Variants in FCRL3 observed in about 807,000 individuals in gnomAD.
The protein encoded by FCRL3 is Fc receptor-like protein 3.
Under a neutral mutation model 75.0 loss-of-function variants are expected in FCRL3, and 89 were observed. That is an observed-to-expected ratio of 1.19 (90% CI 1.00 to 1.42). The LOEUF is 1.42. Ranked by LOEUF, FCRL3 falls within the 40% of genes most tolerant of loss-of-function variation. FCRL3 has a pLI of 0.00. For missense variants in FCRL3, 946 were observed against 880.0 expected (o/e 1.07, Z -0.95); for synonymous variants, 376 against 348.5 (o/e 1.08, Z -0.88).
chr1:157,676,758 G>C lies in FCRL3; in HGVS notation c.*1952C>G. 6.5e-7 allele frequency: 1 copy of C among 1,550,270 alleles called. No homozygotes were observed. Among genetic ancestry groups the C allele is most frequent in the East Asian group, 2.4e-5 (1 of 40,906 alleles). On this transcript the variant is annotated 3_prime_UTR_variant, in exon 15 of 15. Transcript: ENST00000368184. ...AAAATCTTGAACTTTGTTCTTTCTT[G>C]GGTTCAGAATCTAGAAAATGGATAA...
intron 8 of FCRL3, among the ~76,000 whole-genome samples, chr1:157,694,196 G>A (rs1478169566): frequency 6.6e-6 from 1 of 152,030 alleles, no homozygotes; most frequent in East Asian, 1.9e-4. Context: ...ATGGAGAGTG[G>A]TGCGAGATCC....
rs1446235754 is a variant in FCRL3 at position 157,696,375 on chromosome 1, C to T, written c.845-48G>A. 32 of 1,601,274 alleles carry T rather than the reference C, an allele frequency of 2.0e-5. 1 individual carries two copies. The highest frequency in any genetic ancestry group is 8.5e-6 in the Non-Finnish European group (10 of 1,172,564). ...GTGAAGGTCCTGATGGCAGGGACAT[C>T]AAGGTCAAGGGGAAGGCTGGAGCTA... On this transcript the variant is annotated intron_variant, in intron 6 of 14. Transcript: ENST00000368184.
intron 8 of FCRL3, 82 bp from the exon 9 acceptor site, chr1:157,690,615 T>A (rs1262118044): frequency 4.6e-6 from 7 of 1,521,178 alleles, no homozygotes; most frequent in Non-Finnish European, 6.2e-6. Flanking sequence ...TGCAGCATAG[T>A]TGAGTTGCGG....
In FCRL3 at chr1:157,683,312, A is replaced by AT. The variant is rs1038708517; in HGVS notation, c.1811-69dup. The AT allele has an allele frequency of 4.5e-6, 7 of 1,567,062 alleles. No homozygotes were observed. The African/African-American group carries it at 5.5e-5, about 12-fold the overall frequency. On this transcript the variant is annotated intron_variant, in intron 10 of 14. Transcript: ENST00000368184. ...TAAATAATGAACTCTCTGTTAGAACATTTTTTCCTAGAAATCAGATTCATT... is the reference window on the plus strand; with the variant it reads ...TAAATAATGAACTCTCTGTTAGAACATTTTTTTCCTAGAAATCAGATTCATT...
chr1:157,676,856 C>A lies in FCRL3; in HGVS notation c.*1854G>T. ...CACAAAGGGGCTTGGCAAGGTAATT[C>A]CAAATCAGCAGCAGGGTTAGAAAGG... is the stretch of plus-strand genomic sequence containing the variant. On this transcript the variant is annotated 3_prime_UTR_variant, in exon 15 of 15. Transcript: ENST00000368184. 3 of 1,536,008 alleles carry A rather than the reference C, an allele frequency of 2.0e-6. No homozygotes were observed. The highest frequency in any genetic ancestry group is 2.6e-6 in the Non-Finnish European group (3 of 1,140,830).
At chr1:157,680,832 C>T (rs2101587187) in intron 12 of FCRL3, 62 bp from the exon 13 acceptor site, 1 of 1,528,192 alleles carries the variant, frequency 6.5e-7, no homozygotes, top group Non-Finnish European at 9.0e-7. Flanking sequence ...CTCTACTTCC[C>T]AATCACCAAA....
At position 157,696,047 on chromosome 1, in the gene FCRL3, G is replaced by A. The variant is rs778553895; in HGVS notation, c.1125C>T (p.Thr375=). 93 of 1,607,870 alleles carry A rather than the reference G, an allele frequency of 5.8e-5. No homozygotes were observed. Among genetic ancestry groups the A allele is most frequent in the East Asian group, 1.8e-4 (8 of 44,698 alleles). Residue 375 remains threonine, a synonymous_variant, in exon 7 of 15, where the codon ACC becomes ACT. Coordinates refer to ENST00000368184, the MANE Select transcript of FCRL3 (RefSeq NM_052939.4). ...SPILSTWIRV[T]VRIPVSHPVL... is the part of the protein sequence containing the mutation. ...AAAGGAATCGGAACTTACTTCTCAC[G>A]GTGACTCGAATCCACGTGCTGAGGA...
intron 10 of FCRL3, among the ~76,000 whole-genome samples, chr1:157,684,456 G>A (rs1436776372): frequency 6.6e-6 from 1 of 152,118 alleles, no homozygotes; most frequent in African/African-American, 2.4e-5. Flanking sequence ...TCTCCTCAGA[G>A]CAATCACAAT....
At chr1:157,693,967 C>T (rs935595830) in intron 8 of FCRL3, among the ~76,000 whole-genome samples, 1 of 152,080 alleles carries the variant, frequency 6.6e-6, no homozygotes, top group Non-Finnish European at 1.5e-5. Flanking sequence ...CCACGCTGGT[C>T]TCAAACTCCT....
In FCRL3 at chr1:157,695,362, G is replaced by T. The variant is rs1422006192; in HGVS notation, c.1378C>A (p.Gln460Lys). Residue 460 changes from glutamine to lysine, a missense_variant, in exon 8 of 15, where the codon CAG becomes AAG. Gln to Lys is a moderately conservative substitution (Grantham distance 53). Coordinates refer to ENST00000368184, the MANE Select transcript of FCRL3 (RefSeq NM_052939.4). ...SCDADNGLGA[Q>K]HSHGVSLRVT... ...CTGAGACTCACTCCATGACTGTGCT[G>T]GGCCCCCAGGCCATTGTCTGCATCA... The T allele has an allele frequency of 6.2e-7, 1 of 1,614,144 alleles. No homozygotes were observed. The highest frequency in any genetic ancestry group is 1.1e-5 in the South Asian group (1 of 91,078).
intron 10 of FCRL3, among the ~76,000 whole-genome samples, chr1:157,684,208 T>C (rs1286062045): frequency 1.3e-5 from 2 of 152,184 alleles, no homozygotes; most frequent in African/African-American, 2.4e-5. Flanking sequence ...ATCACCGAAA[T>C]ATTGAATCTT....
At chr1:157,684,697 A>G (rs1655067696) in intron 10 of FCRL3, among the ~76,000 whole-genome samples, 1 of 152,160 alleles carries the variant, frequency 6.6e-6, no homozygotes, top group African/African-American at 2.4e-5. Flanking sequence ...TATTATTATA[A>G]CCACTTCATA....
intron 10 of FCRL3, among the ~76,000 whole-genome samples, chr1:157,685,825 T>C (rs1308814049): frequency 6.6e-6 from 1 of 152,014 alleles, no homozygotes; most frequent in Non-Finnish European, 1.5e-5. Flanking sequence ...ACATGGAAAT[T>C]AGACAACTTA....
intron 8 of FCRL3, among the ~76,000 whole-genome samples, chr1:157,692,552 A>C (rs1301309536): frequency 2.0e-5 from 3 of 152,208 alleles, no homozygotes; most frequent in Admixed American, 6.5e-5. Flanking sequence ...TAAAAGATTT[A>C]CAATGCTTTG....
In FCRL3 at chr1:157,677,881, T is replaced by C. The variant is rs1654559030; in HGVS notation, c.*829A>G. The C allele has an allele frequency of 1.4e-5, 12 of 861,540 alleles. No individual in the cohort carries two copies. The highest frequency in any genetic ancestry group is 1.8e-5 in the African/African-American group (1 of 54,142). 53.4% of individuals were successfully genotyped at this position (861,540 alleles called of 1,614,324 possible). On this transcript the variant is annotated 3_prime_UTR_variant, in exon 15 of 15. Transcript: ENST00000368184. ...AGATTTAGAATGGTTTTTTATCAGATGGAGTGAGGTAGAGGAAGAGAATGG... is the reference window on the plus strand; with the variant it reads ...AGATTTAGAATGGTTTTTTATCAGACGGAGTGAGGTAGAGGAAGAGAATGG...
chr1:157,696,972 GA>G (rs1655949390), intron 6 of FCRL3, 167 bp downstream of exon 6: 6 of 523,586 alleles, frequency 1.1e-5, no homozygotes. Flanking sequence ...TCAAGTGGAA[GA>G]AAATGTTCTA....
rs771925362 is a variant in FCRL3 at position 157,700,467 on chromosome 1, AG to A, written c.22del (p.Leu8Ter). On this transcript the variant is annotated frameshift_variant, in exon 2 of 15. Coordinates refer to ENST00000368184, the MANE Select transcript of FCRL3 (RefSeq NM_052939.4). LOFTEE classifies it high-confidence loss of function. ...ATAGCCCATCTACTCACTCAGGATC[AG>A]CAGCAGCAGCCACAGAAGCATGGGC... MLLWLLLLILTPGREQSG... is the reference protein window; with the variant it reads MLLWLLLXILTPGREQSG... The A allele has an allele frequency of 2.5e-6, 4 of 1,613,108 alleles. No homozygotes were observed. The highest frequency in any genetic ancestry group is 3.4e-6 in the Non-Finnish European group (4 of 1,179,354).
At chr1:157,695,656 G>T in intron 7 of FCRL3, 49 bp from the exon 8 acceptor site, 1 of 1,543,174 alleles carries the variant, frequency 6.5e-7, no homozygotes, top group Non-Finnish European at 8.7e-7. Context: ...TGTGACAGAT[G>T]CACAACCTCT....
At position 157,700,675 on chromosome 1, in the gene FCRL3, G is replaced by A. The variant is rs1656261065; in HGVS notation, c.-110C>T. 6.9e-7 allele frequency: 1 copy of A among 1,458,490 alleles called. No individual in the cohort carries two copies. Among genetic ancestry groups the A allele is most frequent in the Non-Finnish European group, 9.1e-7 (1 of 1,102,574 alleles). The allele number at this position is 1,458,490 out of a possible 1,614,324, so 90.3% of individuals were successfully genotyped here. A position where few individuals can be genotyped will look rare whatever the true frequency, so the allele number is the denominator to read the frequency against. Reference sequence around the variant, plus strand: ...GAATGTGGCTACCTTCCTAAATGCTGTTTGTATCTCAATCCCGGTAGTGAT... The same window carrying A: ...GAATGTGGCTACCTTCCTAAATGCTATTTGTATCTCAATCCCGGTAGTGAT... On this transcript the variant is annotated 5_prime_UTR_variant, in exon 1 of 15. Transcript: ENST00000368184.
Sources: gnomAD v4.1 joint callset for allele counts (sites outside exome capture counted in the v4.1 genomes callset) on GRCh38, gnomAD v4.1.1 for gene constraint, MANE v1.5 for transcripts, NCBI Gene and HGNC (gene_info 2026-07-23, HGNC 2026-07-21) for gene names.